Variants in IFNAR2 observed in about 807,000 individuals in gnomAD.
IFNAR2 encodes interferon alpha and beta receptor subunit 2.
Under a neutral mutation model 49.4 loss-of-function variants are expected in IFNAR2, and 30 were observed. That is an observed-to-expected ratio of 0.61 (90% CI 0.45 to 0.82). The LOEUF is 0.82. Among genes scored for constraint, IFNAR2 ranks in the 40% least tolerant of loss-of-function variants. The probability of loss-of-function intolerance (pLI) is 0.00; values close to 1 mark genes in which losing one functional copy is unlikely to be tolerated. For missense variants in IFNAR2, 600 were observed against 622.7 expected (o/e 0.96, Z 0.39); for synonymous variants, 224 against 234.5 (o/e 0.96, Z 0.41).
Position 33,263,435 on chromosome 21 carries a change from C to T in IFNAR2, c.1483C>T (p.Pro495Ser), listed in dbSNP as rs1260744596. 4 of 1,613,964 alleles carry T rather than the reference C, an allele frequency of 2.5e-6. No homozygotes were observed. In the South Asian group the frequency reaches 3.3e-5, roughly 13 times the overall value. ...AGAGGGCCTGTGGTCCGAAGATGCT[C>T]CATCTGATCAAAGTGACACTTCTGA... is the stretch of plus-strand genomic sequence containing the variant. The part of the protein sequence containing the change: ...SSEGLWSEDA[P>S]SDQSDTSESD... Residue 495 changes from proline to serine, a missense_variant, in exon 9 of 9, where the codon CCA becomes TCA. By Grantham distance (74) the Pro-to-Ser change is moderately conservative. Transcript: ENST00000342136.
In IFNAR2 at chr21:33,263,208, G is replaced by A; in HGVS notation, c.1256G>A (p.Gly419Asp). The A allele has an allele frequency of 6.2e-7, 1 of 1,614,194 alleles. No homozygotes were observed. The highest frequency in any genetic ancestry group is 8.5e-7 in the Non-Finnish European group (1 of 1,180,030). ...TACAGCTCCACGGAGGGGTCTGGGGGCAGAATTACCTTCAATGTGGACTTA... is the reference window on the plus strand; with the variant it reads ...TACAGCTCCACGGAGGGGTCTGGGGACAGAATTACCTTCAATGTGGACTTA... ...EDYSSTEGSG[G>D]RITFNVDLNS... is the part of the protein sequence containing the mutation. Residue 419 changes from glycine to aspartate, a missense_variant, in exon 9 of 9, where the codon GGC (glycine) becomes GAC (aspartate). Physicochemically the swap from Gly to Asp is moderately conservative, Grantham distance 94. Coordinates refer to ENST00000342136, the MANE Select transcript of IFNAR2 (RefSeq NM_001289125.3).
At chr21:33,247,844 A>G (rs1987554819) in intron 5 of IFNAR2, among the ~76,000 whole-genome samples, 1 of 152,214 alleles carries the variant, frequency 6.6e-6, no homozygotes, top group Non-Finnish European at 1.5e-5. Flanking sequence ...ACGTGCTCAT[A>G]CATGATTAGC....
chr21:33,235,656 G>A (rs1986394898), intron 1 of IFNAR2, among the ~76,000 whole-genome samples: 1 of 152,200 alleles, frequency 6.6e-6, no homozygotes, highest in Non-Finnish European at 1.5e-5. Context: ...GCCGGGCATG[G>A]TGGCTAACGC....
chr21:33,252,653 T>C lies in IFNAR2; in HGVS notation c.541-9T>C, dbSNP rs932761999. ...CTCAGTCTTACTGATTTTTTGCTTA[T>C]GTTTACAGCATAAACCCGAAATAAA... On this transcript the variant is annotated splice_polypyrimidine_tract_variant and intron_variant, in intron 6 of 8. Coordinates refer to ENST00000342136, the MANE Select transcript of IFNAR2 (RefSeq NM_001289125.3). The C allele has an allele frequency of 8.7e-6, 14 of 1,608,790 alleles. No individual in the cohort carries two copies. The highest frequency in any genetic ancestry group is 5.4e-5 in the African/African-American group (4 of 74,744).
chr21:33,241,872 A>G lies in IFNAR2; in HGVS notation c.-51A>G. 1 of 1,607,116 alleles carries G rather than the reference A, an allele frequency of 6.2e-7. No individual in the cohort carries two copies. ...AGACACTTCAGAATTTTGATCACCT[A>G]ATGTTGATTTCAGATGTAAAAGTCA... On this transcript the variant is annotated 5_prime_UTR_variant, in exon 2 of 9. Coordinates refer to ENST00000342136, the MANE Select transcript of IFNAR2 (RefSeq NM_001289125.3).
At chr21:33,248,984 C>T in intron 6 of IFNAR2, 130 bp downstream of exon 6, 1 of 663,096 alleles carries the variant, frequency 1.5e-6, no homozygotes, top group Non-Finnish European at 2.6e-6. Context: ...TATGGTCCGA[C>T]TTAGGGAAGA....
At chr21:33,260,031 A>C (rs932630777) in intron 7 of IFNAR2, among the ~76,000 whole-genome samples, 2 of 152,232 alleles carry the variant, frequency 1.3e-5, no homozygotes, top group Admixed American at 1.3e-4. Context: ...TCAGGAAAAT[A>C]ACTATGGTCA....
chr21:33,263,512 T>C lies in IFNAR2; in HGVS notation c.*12T>C, dbSNP rs750603974. The C allele has an allele frequency of 1.9e-6, 3 of 1,590,314 alleles. No homozygotes were observed. The South Asian group carries it at 3.4e-5, about 18-fold the overall frequency. ...ATATAATGAGATGACTCCAAAACTA[T>C]TGAATGAACTTGGACAGACAAGCAC... On this transcript the variant is annotated 3_prime_UTR_variant, in exon 9 of 9. Transcript: ENST00000342136.
intron 6 of IFNAR2, among the ~76,000 whole-genome samples, chr21:33,249,365 G>T (rs1038994817): frequency 3.6e-5 from 5 of 139,438 alleles, no homozygotes; most frequent in Admixed American, 7.3e-5. Context: ...AAAAAAAAAA[G>T]AGTAAGCCAC....
intron 7 of IFNAR2, among the ~76,000 whole-genome samples, chr21:33,253,509 C>T (rs1008157456): frequency 1.3e-5 from 2 of 152,164 alleles, no homozygotes; most frequent in Non-Finnish European, 2.9e-5. Context: ...TTCTAAATGT[C>T]CCAACCGCAG....
chr21:33,236,404 G>A (rs139348444), intron 1 of IFNAR2, among the ~76,000 whole-genome samples: 55 of 152,312 alleles, frequency 3.6e-4, no homozygotes, highest in Non-Finnish European at 7.1e-4. Context: ...CTAACCCACA[G>A]TGTAGTGGCC....
chr21:33,240,985 A>T (rs963194948), intron 1 of IFNAR2, among the ~76,000 whole-genome samples: 3 of 152,198 alleles, frequency 2.0e-5, no homozygotes, highest in African/African-American at 7.2e-5. Context: ...ATTAATAAAA[A>T]ATGTGCACAC....
intron 1 of IFNAR2, among the ~76,000 whole-genome samples, chr21:33,236,403 A>G (rs1259158402): frequency 1.3e-5 from 2 of 152,156 alleles, no homozygotes; most frequent in Admixed American, 1.3e-4. Context: ...CCTAACCCAC[A>G]GTGTAGTGGC....
At chr21:33,246,644 G>C in intron 4 of IFNAR2, 74 bp from the exon 5 acceptor site, 1 of 1,150,278 alleles carries the variant, frequency 8.7e-7, no homozygotes, top group Non-Finnish European at 1.2e-6. Context: ...AAACAATGAA[G>C]TAAGGCGCCC....
intron 1 of IFNAR2, among the ~76,000 whole-genome samples, chr21:33,231,233 G>A (rs17860121): frequency 4.4e-4 from 67 of 152,164 alleles, no homozygotes; most frequent in African/African-American, 1.5e-3. Context: ...GGGGTGAGGG[G>A]GTAGCAGATA....
chr21:33,236,327 G>A (rs921945938), intron 1 of IFNAR2, among the ~76,000 whole-genome samples: 4 of 152,098 alleles, frequency 2.6e-5, no homozygotes, highest in African/African-American at 4.8e-5. Flanking sequence ...GCTTCCCCTC[G>A]ATCCAGCCTG....
chr21:33,240,511 A>G (rs1453961943), intron 1 of IFNAR2, among the ~76,000 whole-genome samples: 1 of 152,210 alleles, frequency 6.6e-6, no homozygotes, highest in Non-Finnish European at 1.5e-5. Context: ...CTAAGTATCC[A>G]TCAACAAATG....
chr21:33,252,425 C>T (rs1208216480), intron 6 of IFNAR2: 17 of 978,084 alleles, frequency 1.7e-5, no homozygotes, highest in South Asian at 4.7e-5. Context: ...AAAATGAAGG[C>T]GCTAGACTAG....
intron 7 of IFNAR2, among the ~76,000 whole-genome samples, chr21:33,256,027 C>T (rs1198986324): frequency 3.9e-5 from 6 of 152,112 alleles, no homozygotes; most frequent in African/African-American, 9.7e-5. Flanking sequence ...TACATACAAA[C>T]GAAACTCTTA....
Sources: allele counts gnomAD v4.1 joint callset (sites outside exome capture counted in the v4.1 genomes callset), GRCh38; gene constraint gnomAD v4.1.1; transcripts MANE v1.5; gene names NCBI Gene and HGNC (gene_info 2026-07-23, HGNC 2026-07-21).